DOCK5: variants seen among roughly 807,000 people sequenced by gnomAD.
DOCK5 encodes the protein dedicator of cytokinesis protein 5.
DOCK5 carries 142 observed loss-of-function variants against 251.8 expected under a neutral mutation model. The ratio of observed to expected loss-of-function variants is 0.56; its 90% CI spans 0.49 to 0.65. The LOEUF (loss-of-function observed/expected upper bound fraction) is 0.65. Among genes scored for constraint, DOCK5 ranks in the 30% least tolerant of loss-of-function variants. The pLI is 0.00. For missense variants in DOCK5, 2,111 were observed against 2,312.3 expected (o/e 0.91, Z 1.79); for synonymous variants, 842 against 835.5 (o/e 1.01, Z -0.13).
chr8:25,245,388 C>T (rs1351937337), intron 2 of DOCK5, among the ~76,000 whole-genome samples: 1 of 152,104 alleles, frequency 6.6e-6, no homozygotes, highest in Non-Finnish European at 1.5e-5. Flanking sequence ...GCTCATACCT[C>T]TTTTGTCAGG....
intron 1 of DOCK5, among the ~76,000 whole-genome samples, chr8:25,205,671 T>A (rs1231630918): frequency 6.6e-6 from 1 of 152,206 alleles, no homozygotes; most frequent in Non-Finnish European, 1.5e-5. Context: ...CTGCTGTTGC[T>A]GATTCAGTTG....
At chr8:25,266,598 C>G (rs1803759813) in intron 2 of DOCK5, among the ~76,000 whole-genome samples, 1 of 151,732 alleles carries the variant, frequency 6.6e-6, no homozygotes. Context: ...GTATGACAAC[C>G]CAGGTATGTA....
chr8:25,339,897 G>A (rs946907714), intron 22 of DOCK5, among the ~76,000 whole-genome samples: 2 of 152,186 alleles, frequency 1.3e-5, no homozygotes, highest in African/African-American at 4.8e-5. Flanking sequence ...AAGGCTACAG[G>A]TAGAAGCCAG....
chr8:25,387,613 C>T (rs1409279254), intron 40 of DOCK5, among the ~76,000 whole-genome samples: 1 of 152,192 alleles, frequency 6.6e-6, no homozygotes, highest in Non-Finnish European at 1.5e-5. Flanking sequence ...TCCTGCCTTC[C>T]AGAACCTCCA....
At chr8:25,353,667 C>G (rs528327741) in intron 27 of DOCK5, among the ~76,000 whole-genome samples, 2 of 152,016 alleles carry the variant, frequency 1.3e-5, no homozygotes, top group South Asian at 4.1e-4. Context: ...ATCACTTGTG[C>G]AAAAATAAAA....
intron 4 of DOCK5, among the ~76,000 whole-genome samples, chr8:25,276,084 A>G (rs969705967): frequency 6.6e-6 from 1 of 152,150 alleles, no homozygotes; most frequent in African/African-American, 2.4e-5. Flanking sequence ...GTATGTTTGC[A>G]CACATGAACA....
intron 51 of DOCK5, among the ~76,000 whole-genome samples, 156 bp downstream of exon 51, chr8:25,410,358 T>C (rs1013046276): frequency 1.3e-5 from 2 of 151,578 alleles, no homozygotes; most frequent in African/African-American, 4.9e-5. Context: ...GATAGAGAAG[T>C]TTTCAATGGG....
intron 30 of DOCK5, among the ~76,000 whole-genome samples, chr8:25,365,177 CATTT>C (rs1283793846): frequency 6.6e-6 from 1 of 152,210 alleles, no homozygotes; most frequent in Non-Finnish European, 1.5e-5. Flanking sequence ...TTCATTCATT[CATTT>C]ACTTATCCAT....
At chr8:25,367,985 A>C (rs1473669981) in intron 31 of DOCK5, among the ~76,000 whole-genome samples, 2 of 151,716 alleles carry the variant, frequency 1.3e-5, no homozygotes, top group East Asian at 1.9e-4. Flanking sequence ...CAGCGTTTCC[A>C]TTTGGCTTTA....
At chr8:25,285,777 C>A (rs993988524) in intron 5 of DOCK5, among the ~76,000 whole-genome samples, 2 of 152,154 alleles carry the variant, frequency 1.3e-5, no homozygotes. Context: ...TTCCTTATTA[C>A]CAAGAACAGA....
In DOCK5 at chr8:25,382,676, A is replaced by G. The variant is rs763952310; in HGVS notation, c.4029A>G (p.Lys1343=). Residue 1343 remains lysine, a splice_region_variant and synonymous_variant, in exon 40 of 52, where the codon AAA becomes AAG. Coordinates refer to ENST00000276440, the MANE Select transcript of DOCK5 (RefSeq NM_024940.8). ...GAATGTCTTGTTTTGTTTTCCAGAA[A>G]AAAAGGGCCTCATTTTATGAGAACA... ...FDYEGLGNLL[K]KRASFYENII... 6 of 1,607,476 alleles carry G rather than the reference A, an allele frequency of 3.7e-6. No individual in the cohort carries two copies. In the African/African-American group the frequency reaches 8.0e-5, roughly 21 times the overall value.
chr8:25,296,451 A>T (rs1804616569), intron 6 of DOCK5, 62 bp from the exon 7 acceptor site: 1 of 1,561,120 alleles, frequency 6.4e-7, no homozygotes, highest in Non-Finnish European at 8.7e-7. Context: ...CTTGACAAGG[A>T]CTCCTCAGTA....
intron 34 of DOCK5, among the ~76,000 whole-genome samples, chr8:25,370,600 G>A (rs1471870719): frequency 2.0e-5 from 3 of 151,970 alleles, no homozygotes; most frequent in Non-Finnish European, 2.9e-5. Flanking sequence ...GAACTCCTGG[G>A]CTCAAGCAGT....
intron 26 of DOCK5, 71 bp downstream of exon 26, chr8:25,345,682 G>A (rs563617015): frequency 2.5e-5 from 40 of 1,571,088 alleles, no homozygotes; most frequent in African/African-American, 2.2e-4. Flanking sequence ...GAGTGACTCC[G>A]TGGCCTTCCT....
chr8:25,244,603 T>C lies in DOCK5; in HGVS notation c.127+846T>C, dbSNP rs181042743. ...GTGCATTTTCCGGGTCTAGCCCCCA[T>C]GTAAACCCTTGTGATGGTGAAACGG... is the stretch of plus-strand genomic sequence containing the variant. On this transcript the variant is annotated intron_variant, in intron 2 of 51. Transcript: ENST00000276440. 3.8e-3 allele frequency among the ~76,000 whole-genome samples: 586 copies of C among 152,292 alleles called. 7 individuals are homozygous for C. The highest frequency in any genetic ancestry group is 6.1e-3 in the Non-Finnish European group (414 of 68,016).
chr8:25,329,360 T>G (rs1208820902), intron 18 of DOCK5, among the ~76,000 whole-genome samples: 1 of 152,188 alleles, frequency 6.6e-6, no homozygotes, highest in Non-Finnish European at 1.5e-5. Context: ...GCATGCCACC[T>G]TACTTATTTT....
In DOCK5 at chr8:25,374,657, G is replaced by A. The variant is rs778887886; in HGVS notation, c.3816+3G>A. On this transcript the variant is annotated splice_donor_region_variant and intron_variant, in intron 37 of 51. Coordinates refer to ENST00000276440, the MANE Select transcript of DOCK5 (RefSeq NM_024940.8). ...TCTTGCACGCTGAGCTTCTGCAGGT[G>A]AATGGCTCAGAGAGCTTGTTTCAAC... 2 of 1,613,834 alleles carry A rather than the reference G, an allele frequency of 1.2e-6. No individual in the cohort carries two copies. The highest frequency in any genetic ancestry group is 1.7e-6 in the Non-Finnish European group (2 of 1,179,832).
intron 1 of DOCK5, among the ~76,000 whole-genome samples, chr8:25,232,089 A>G (rs746979400): frequency 1.3e-5 from 2 of 152,160 alleles, no homozygotes; most frequent in Non-Finnish European, 2.9e-5. Flanking sequence ...GCTTTGTATG[A>G]TTTGCATCCT....
chr8:25,188,840 CTCT>C (rs1370575405), intron 1 of DOCK5, among the ~76,000 whole-genome samples: 5 of 151,906 alleles, frequency 3.3e-5, no homozygotes, highest in Admixed American at 3.3e-4. Context: ...TTTCTCTTTT[CTCT>C]CTCTTTTTTC....
Sources: gnomAD v4.1 joint callset for allele counts (sites outside exome capture counted in the v4.1 genomes callset) on GRCh38, gnomAD v4.1.1 for gene constraint, MANE v1.5 for transcripts, NCBI Gene and HGNC (gene_info 2026-07-23, HGNC 2026-07-21) for gene names.